The following URAD variants were observed in gnomAD, a reference collection of about 807,000 sequenced individuals.
The protein encoded by URAD is ureidoimidazoline (2-oxo-4-hydroxy-4-carboxy-5-) decarboxylase.
A neutral mutation model predicts 4.6 loss-of-function variants in URAD; 4 were observed. The observed-to-expected ratio is 0.87, with a 90% confidence interval of 0.43 to 1.98. URAD has a LOEUF of 1.98. Ranked by LOEUF, URAD falls within the 30% of genes most tolerant of loss-of-function variation. The probability of loss-of-function intolerance (pLI) is 0.03; values close to 1 mark genes in which losing one functional copy is unlikely to be tolerated. For synonymous variants in URAD, 144 were observed against 118.2 expected (o/e 1.22, Z -1.41); for missense variants, 300 against 255.3 (o/e 1.18, Z -1.19).
intron 1 of URAD, among the ~76,000 whole-genome samples, chr13:27,983,298 C>T (rs1419701377): frequency 3.9e-5 from 6 of 151,934 alleles, no homozygotes; most frequent in Non-Finnish European, 7.4e-5. Flanking sequence ...GGTGCGATCT[C>T]GGCTCACTGC....
At position 27,978,122 on chromosome 13, in the gene URAD, T is replaced by G. The variant is rs931469402; in HGVS notation, c.506A>C (p.Asp169Ala). The change falls in exon 2 of 2, where the codon GAC becomes GCC. Residue 169 changes from aspartate to alanine, a missense_variant. Transcript: ENST00000332715. ...GCGCGGCAGCTACAGCTTGGCGGGG[T>G]CTGCGCGGAGGAGGTCGGCCAGGCG... is the stretch of plus-strand genomic sequence containing the variant. ...SLRLADLLRA[D>A]PAKL 6.6e-6 allele frequency: 10 copies of G among 1,518,292 alleles called. No homozygotes were observed. The African/African-American group carries it at 1.4e-4, about 22-fold the overall frequency. The allele number at this position is 1,518,292 out of a possible 1,614,324, so 94.1% of individuals were successfully genotyped here.
At chr13:27,981,196 G>A (rs1440295734) in intron 1 of URAD, among the ~76,000 whole-genome samples, 2 of 152,104 alleles carry the variant, frequency 1.3e-5, no homozygotes, top group East Asian at 3.9e-4. Flanking sequence ...AAGTACATCG[G>A]GAATGGTGTC....
At chr13:27,983,106 T>A (rs1869921447) in intron 1 of URAD, among the ~76,000 whole-genome samples, 2 of 152,202 alleles carry the variant, frequency 1.3e-5, no homozygotes, top group Admixed American at 1.3e-4. Flanking sequence ...TAAGCAGCTT[T>A]ACATGATCAG....
chr13:27,986,129 C>A (rs751949370), intron 1 of URAD, among the ~76,000 whole-genome samples: 1 of 152,162 alleles, frequency 6.6e-6, no homozygotes, highest in African/African-American at 2.4e-5. Flanking sequence ...CACCAACAAC[C>A]GTCCAGGGGG....
chr13:27,978,558 G>T (rs1411275540), intron 1 of URAD, 106 bp from the exon 2 acceptor site: 3 of 821,136 alleles, frequency 3.7e-6, no homozygotes, highest in African/African-American at 1.8e-5. Flanking sequence ...GCCCCGCCCC[G>T]CCCCGCCCGG....
At chr13:27,987,094 G>A (rs79228161) in intron 1 of URAD, among the ~76,000 whole-genome samples, 1,881 of 152,282 alleles carry the variant, frequency 0.012, 30 homozygotes, top group African/African-American at 0.04. Context: ...TTTTGGAGAC[G>A]TCTGTATGAC....
Position 27,978,049 on chromosome 13 carries a change from G to C in URAD, c.*57C>G, listed in dbSNP as rs1409231368. On this transcript the variant is annotated 3_prime_UTR_variant, in exon 2 of 2. Coordinates refer to ENST00000332715, the MANE Select transcript of URAD (RefSeq NM_001105577.2). ...CCTCCCGCCCAGGACGCACAGCTCC[G>C]GGCCGTGGCCCCCGCGCGTCCGGTT... 3 of 1,368,522 alleles carry C rather than the reference G, an allele frequency of 2.2e-6. No homozygotes were observed. Among genetic ancestry groups the C allele is most frequent in the African/African-American group, 1.5e-5 (1 of 65,064 alleles). 84.8% of individuals were successfully genotyped at this position (1,368,522 alleles called of 1,614,324 possible). A position where few individuals can be genotyped will look rare whatever the true frequency, so the allele number is the denominator to read the frequency against.
Position 27,977,935 on chromosome 13 carries a change from C to T in URAD, c.*171G>A. 3.6e-6 allele frequency: 2 copies of T among 550,040 alleles called. No individual in the cohort carries two copies. The highest frequency in any genetic ancestry group is 6.0e-6 in the Non-Finnish European group (2 of 334,188). 34.1% of individuals were successfully genotyped at this position (550,040 alleles called of 1,614,324 possible). A position where few individuals can be genotyped will look rare whatever the true frequency, so the allele number is the denominator to read the frequency against. On this transcript the variant is annotated 3_prime_UTR_variant, in exon 2 of 2. Coordinates refer to ENST00000332715, the MANE Select transcript of URAD (RefSeq NM_001105577.2). The stretch of plus-strand genomic sequence containing the variant: ...GGCAACGCGTGCGCGTGTGGGTGGG[C>T]GGACAAAAGGACTCATTACTCGTAT...
intron 1 of URAD, among the ~76,000 whole-genome samples, chr13:27,982,529 C>T (rs907997644): frequency 3.3e-5 from 5 of 152,202 alleles, no homozygotes; most frequent in Non-Finnish European, 7.3e-5. Context: ...ACCCACATCT[C>T]ATCCCTTTGT....
chr13:27,981,037 C>G (rs1869863260), intron 1 of URAD, among the ~76,000 whole-genome samples: 1 of 151,272 alleles, frequency 6.6e-6, no homozygotes, highest in African/African-American at 2.4e-5. Flanking sequence ...TCCTCTCTCT[C>G]TCTCTCTCTC....
intron 1 of URAD, among the ~76,000 whole-genome samples, chr13:27,981,201 GGT>G (rs1869868307): frequency 6.6e-6 from 1 of 152,150 alleles, no homozygotes. Flanking sequence ...CATCGGGAAT[GGT>G]GTCTATGTGT....
At chr13:27,981,924 C>T (rs183920603) in intron 1 of URAD, among the ~76,000 whole-genome samples, 8 of 152,298 alleles carry the variant, frequency 5.3e-5, no homozygotes, top group African/African-American at 1.9e-4. Context: ...TATTTCTCTG[C>T]TCCTCCTTAC....
intron 1 of URAD, among the ~76,000 whole-genome samples, chr13:27,984,479 C>T (rs915094520): frequency 6.6e-6 from 1 of 152,180 alleles, no homozygotes; most frequent in Non-Finnish European, 1.5e-5. Flanking sequence ...ATAGCAGAAC[C>T]TAAATGGACT....
At chr13:27,982,116 T>G (rs1869892535) in intron 1 of URAD, among the ~76,000 whole-genome samples, 1 of 152,114 alleles carries the variant, frequency 6.6e-6, no homozygotes, top group South Asian at 2.1e-4. Context: ...TGTCACCTGG[T>G]TGGCCCTCTC....
chr13:27,983,235 T>C (rs1014741281), intron 1 of URAD, among the ~76,000 whole-genome samples: 3 of 152,098 alleles, frequency 2.0e-5, no homozygotes, highest in Non-Finnish European at 4.4e-5. Context: ...GCTTTTTTTT[T>C]GTTTTTGTTT....
intron 1 of URAD, among the ~76,000 whole-genome samples, chr13:27,980,162 C>T (rs1197835202): frequency 1.3e-5 from 2 of 152,106 alleles, no homozygotes; most frequent in Non-Finnish European, 1.5e-5. Context: ...CTCCTGGGTT[C>T]AAGCGATCCT....
chr13:27,977,844 G>C lies in URAD; in HGVS notation c.*262C>G, dbSNP rs1869754058. On this transcript the variant is annotated 3_prime_UTR_variant, in exon 2 of 2. Transcript: ENST00000332715. ...CCGGTGGTGTCGGGGGCCGCAAAGG[G>C]AGTGAAGAATTGAAGCAGTGAGCTG... is the stretch of plus-strand genomic sequence containing the variant. The C allele has an allele frequency of 2.3e-6, 1 of 430,080 alleles. No individual in the cohort carries two copies. Among genetic ancestry groups the C allele is most frequent in the Non-Finnish European group, 4.1e-6 (1 of 244,744 alleles). 26.6% of individuals were successfully genotyped at this position (430,080 alleles called of 1,614,324 possible). A position where few individuals can be genotyped will look rare whatever the true frequency, so the allele number is the denominator to read the frequency against.
In URAD at chr13:27,978,096, C is replaced by T. The variant is rs763315120; in HGVS notation, c.*10G>A. ...GGTTGTGCGTCCCGGGTCCCTGGCCCGCGCGGCAGCTACAGCTTGGCGGGG... is the reference window on the plus strand; with the variant it reads ...GGTTGTGCGTCCCGGGTCCCTGGCCTGCGCGGCAGCTACAGCTTGGCGGGG... On this transcript the variant is annotated 3_prime_UTR_variant, in exon 2 of 2. Coordinates refer to ENST00000332715, the MANE Select transcript of URAD (RefSeq NM_001105577.2). 2 of 1,475,246 alleles carry T rather than the reference C, an allele frequency of 1.4e-6. No homozygotes were observed. The highest frequency in any genetic ancestry group is 2.5e-5 in the Admixed American group (1 of 39,250). The allele number at this position is 1,475,246 out of a possible 1,614,324, so 91.4% of individuals were successfully genotyped here.
intron 1 of URAD, 141 bp downstream of exon 1, chr13:27,988,322 G>A: frequency 1.2e-6 from 1 of 829,246 alleles, no homozygotes; most frequent in South Asian, 2.1e-5. Context: ...AAATTCCTGG[G>A]CTCAAGTGAT....
Sources: gnomAD v4.1 joint callset for allele counts (sites outside exome capture counted in the v4.1 genomes callset) on GRCh38, gnomAD v4.1.1 for gene constraint, MANE v1.5 for transcripts, NCBI Gene and HGNC (gene_info 2026-07-23, HGNC 2026-07-21) for gene names.